TENM3: variants seen among roughly 807,000 people sequenced by gnomAD.
The protein encoded by TENM3 is teneurin transmembrane protein 3.
A neutral mutation model predicts 255.1 loss-of-function variants in TENM3; 63 were observed. The observed-to-expected ratio is 0.25, with a 90% CI of 0.20 to 0.30. The LOEUF (loss-of-function observed/expected upper bound fraction) is 0.30. Ranked by LOEUF, TENM3 falls within the 10% of genes least tolerant of loss-of-function variation. The probability of loss-of-function intolerance (pLI) is 1.00; values close to 1 mark genes in which losing one functional copy is unlikely to be tolerated. For synonymous variants in TENM3, 1,306 were observed against 1,322.3 expected (o/e 0.99, Z 0.27); for missense variants, 2,929 against 3,461.1 (o/e 0.85, Z 3.86).
intron 1 of TENM3, among the ~76,000 whole-genome samples, chr4:182,313,227 T>C (rs1248337596): frequency 6.6e-6 from 1 of 151,962 alleles, no homozygotes; most frequent in Non-Finnish European, 1.5e-5. Flanking sequence ...CACTGTTCTA[T>C]ATATTTTCCA....
At chr4:181,481,745 A>T in the TENM3 span, among the ~76,000 whole-genome samples, 2 of 152,100 alleles carry the variant, frequency 1.3e-5, no homozygotes, top group African/African-American at 4.8e-5. Flanking sequence ...GAGCACCTTT[A>T]TTCTGTCTAC....
the TENM3 span, among the ~76,000 whole-genome samples, chr4:182,082,847 C>A: frequency 5.3e-5 from 8 of 152,280 alleles, no homozygotes; most frequent in South Asian, 1.7e-3. Context: ...CTACTCTGAA[C>A]GGCCTTTATT....
At chr4:181,954,001 C>T in the TENM3 span, among the ~76,000 whole-genome samples, 1 of 152,192 alleles carries the variant, frequency 6.6e-6, no homozygotes, top group Non-Finnish European at 1.5e-5. Context: ...GAAGGCACAA[C>T]TAGCGGCTTC....
intron 3 of TENM3, among the ~76,000 whole-genome samples, chr4:182,384,010 A>T (rs1004198450): frequency 3.3e-5 from 5 of 152,100 alleles, no homozygotes; most frequent in Admixed American, 6.6e-5. Flanking sequence ...CGCTTCGGTC[A>T]GTTTTGTTTT....
intron 1 of TENM3, among the ~76,000 whole-genome samples, chr4:182,262,850 A>G (rs1402339650): frequency 2.0e-5 from 3 of 150,788 alleles, no homozygotes; most frequent in Non-Finnish European, 4.4e-5. Flanking sequence ...AGCAGCTGGG[A>G]CTACAGGCAC....
chr4:182,047,823 T>C, the TENM3 span, among the ~76,000 whole-genome samples: 1 of 152,160 alleles, frequency 6.6e-6, no homozygotes. Context: ...CTTTCAGATC[T>C]TTTGATTGAA....
rs1243518663 is a variant in TENM3, at chr4:182,628,751, C to T, written c.850C>T (p.Arg284Trp). ...ASGSVYSPPT[R>W]PLPRNTLSRS... ...TGGCTCTGTTTATTCACCACCTACT[C>T]GGCCACTACCTAGAAACACCCTATC... The change falls in exon 5 of 28, where the codon CGG becomes TGG. Residue 284 changes from arginine to tryptophan, a missense_variant. This residue lies in a region of TENM3 where 1,608 missense variants were observed against 1,884.4 expected (regional missense o/e 0.85). Coordinates refer to ENST00000511685, the MANE Select transcript of TENM3 (RefSeq NM_001080477.4). 3 of 1,609,498 alleles carry T rather than the reference C, an allele frequency of 1.9e-6. No homozygotes were observed. Among genetic ancestry groups the T allele is most frequent in the Non-Finnish European group, 2.5e-6 (3 of 1,177,922 alleles).
chr4:181,616,222 G>T, the TENM3 span, among the ~76,000 whole-genome samples: 1 of 138,650 alleles, frequency 7.2e-6, no homozygotes, highest in African/African-American at 2.7e-5. Context: ...TATTCCATAT[G>T]CTAATATTTC....
chr4:182,432,086 AAAAAG>A (rs1771694755), intron 3 of TENM3, among the ~76,000 whole-genome samples: 1 of 151,962 alleles, frequency 6.6e-6, no homozygotes, highest in Admixed American at 6.6e-5. Context: ...CAAAAAAAAA[AAAAAG>A]AAAGAAAGAA....
chr4:182,339,056 T>A (rs1764313260), intron 2 of TENM3, among the ~76,000 whole-genome samples: 1 of 152,308 alleles, frequency 6.6e-6, no homozygotes, highest in Non-Finnish European at 1.5e-5. Flanking sequence ...CTCACCTCTG[T>A]CATCAGACAA....
At chr4:182,066,602 ATAT>A in the TENM3 span, among the ~76,000 whole-genome samples, 8,655 of 80,648 alleles carry the variant, frequency 0.11, 288 homozygotes, top group African/African-American at 0.14. Context: ...AAAAAAAAAT[ATAT>A]ATATATATAT....
At chr4:181,537,932 T>A in the TENM3 span, among the ~76,000 whole-genome samples, 1 of 152,216 alleles carries the variant, frequency 6.6e-6, no homozygotes, top group Non-Finnish European at 1.5e-5. Context: ...AAATATGCTT[T>A]TCTTTGGGAA....
chr4:181,712,667 CAGAT>C, the TENM3 span, among the ~76,000 whole-genome samples: 22 of 152,254 alleles, frequency 1.4e-4, no homozygotes, highest in Non-Finnish European at 2.8e-4. Context: ...TCTTGGGAAA[CAGAT>C]AGAATTAATA....
intron 1 of TENM3, among the ~76,000 whole-genome samples, chr4:182,258,362 T>C (rs35865668): frequency 0.2 from 29,889 of 152,162 alleles, 3,330 homozygotes; most frequent in Non-Finnish European, 0.25. Context: ...TAATAACTTA[T>C]ATCCAAAGAG....
chr4:182,184,281 A>G (rs1260134266), intron 1 of TENM3, among the ~76,000 whole-genome samples: 3 of 152,196 alleles, frequency 2.0e-5, no homozygotes, highest in Non-Finnish European at 4.4e-5. Flanking sequence ...CCTTTTATTG[A>G]GTACGCAAAT....
chr4:182,779,996 T>C (rs1159854425), intron 24 of TENM3, among the ~76,000 whole-genome samples: 65 of 150,670 alleles, frequency 4.3e-4, no homozygotes, highest in Non-Finnish European at 8.6e-4. Flanking sequence ...TTTCTCCCAT[T>C]TTGTAGGTTG....
chr4:182,560,304 A>C (rs1467882386), intron 3 of TENM3, among the ~76,000 whole-genome samples: 1 of 152,170 alleles, frequency 6.6e-6, no homozygotes, highest in African/African-American at 2.4e-5. Flanking sequence ...CAATTGGAAT[A>C]ATAATGTGTG....
At chr4:181,890,513 A>T in the TENM3 span, among the ~76,000 whole-genome samples, 1 of 133,778 alleles carries the variant, frequency 7.5e-6, no homozygotes, top group Non-Finnish European at 1.7e-5. Context: ...ATATATAGGA[A>T]TTATGCTACT....
chr4:182,001,164 T>A, the TENM3 span, among the ~76,000 whole-genome samples: 519 of 152,074 alleles, frequency 3.4e-3, 16 homozygotes, highest in South Asian at 0.049. Flanking sequence ...ATAACCTGTT[T>A]GCGGTCAACC....
Sources: gnomAD v4.1 joint callset for allele counts (sites outside exome capture counted in the v4.1 genomes callset) on GRCh38, gnomAD v4.1.1 for gene constraint, gnomAD v4.1.1 regional missense constraint, MANE v1.5 for transcripts, NCBI Gene and HGNC (gene_info 2026-07-23, HGNC 2026-07-21) for gene names.